PRKN: variants seen among roughly 807,000 people sequenced by gnomAD.
PRKN encodes the protein E3 ubiquitin-protein ligase parkin.
In PRKN, 56 loss-of-function variants were observed where a neutral mutation model predicts 59.5. That is an observed-to-expected ratio of 0.94 (90% CI 0.76 to 1.18). The LOEUF is 1.18. PRKN is among the 50% of genes most tolerant of loss of function. The pLI is 0.00. For synonymous variants in PRKN, 250 were observed against 222.1 expected, an observed-to-expected ratio of 1.13 and a Z score of -1.12; for missense variants, 657 against 596.4, an observed-to-expected ratio of 1.10 and a Z score of -1.06.
intron 7 of PRKN, among the ~76,000 whole-genome samples, chr6:161,749,622 T>A (rs1025507762): frequency 6.6e-6 from 1 of 152,048 alleles, no homozygotes; most frequent in African/African-American, 2.4e-5. Flanking sequence ...AAGAAAAATA[T>A]CCTTTCCTGT....
At position 161,480,170 on chromosome 6, in the gene PRKN, A is replaced by G. The variant is rs887230614; in HGVS notation, c.1083+68684T>C. Reference sequence around the variant, plus strand: ...ATTTTGGAGTATTTATTATCACTGCAGCGTTTCCTATCTGATCATGACTAT... The same window carrying G: ...ATTTTGGAGTATTTATTATCACTGCGGCGTTTCCTATCTGATCATGACTAT... On this transcript the variant is annotated intron_variant, in intron 9 of 11. Coordinates refer to ENST00000366898, the MANE Select transcript of PRKN (RefSeq NM_004562.3). The surrounding 1 kb of genome is among the most constrained non-coding windows in gnomAD (Gnocchi z 4.1). Among the ~76,000 whole-genome samples the G allele has an allele frequency of 6.6e-6, 1 of 152,346 alleles. No individual in the cohort carries two copies. Among genetic ancestry groups the G allele is most frequent in the Middle Eastern group, 3.4e-3 (1 of 294 alleles).
intron 6 of PRKN, among the ~76,000 whole-genome samples, chr6:161,910,413 C>G (rs571923827): frequency 6.6e-6 from 1 of 152,062 alleles, no homozygotes; most frequent in Non-Finnish European, 1.5e-5. Flanking sequence ...TGCTACCACA[C>G]CCGGCTAATT....
intron 4 of PRKN, among the ~76,000 whole-genome samples, chr6:162,132,767 A>G (rs1781415840): frequency 6.6e-6 from 1 of 152,098 alleles, no homozygotes; most frequent in Non-Finnish European, 1.5e-5. Context: ...ATCTACTCTG[A>G]TAAGTGCTGT....
At position 161,757,871 on chromosome 6, in the gene PRKN, C is replaced by CTCTCTG. The variant is rs1380898753; in HGVS notation, c.871+27900_871+27901insCAGAGA. ...TCTCTCTCTCTCTCTCTCTCTCTCTCTGTGTATATATATATACACACACAC... is the reference window on the plus strand; with the variant it reads ...TCTCTCTCTCTCTCTCTCTCTCTCTCTCTCTGTGTGTATATATATATACACACACAC... On this transcript the variant is annotated intron_variant, in intron 7 of 11. Transcript: ENST00000366898. 8.2e-5 allele frequency among the ~76,000 whole-genome samples: 8 copies of CTCTCTG among 97,984 alleles called. 1 individual carries two copies. The highest frequency in any genetic ancestry group is 3.6e-4 in the African/African-American group (8 of 22,322). The allele number at this position is 97,984 out of a possible 152,430, so 64.3% of individuals were successfully genotyped here. A position where few individuals can be genotyped will look rare whatever the true frequency, so the allele number is the denominator to read the frequency against.
intron 7 of PRKN, among the ~76,000 whole-genome samples, chr6:161,697,518 C>A (rs1046328716): frequency 2.0e-4 from 30 of 152,134 alleles, no homozygotes; most frequent in African/African-American, 6.5e-4. Flanking sequence ...TAAAGTCCAA[C>A]AAATTCAGTC....
intron 6 of PRKN, among the ~76,000 whole-genome samples, chr6:161,820,914 A>G (rs1423569286): frequency 6.6e-6 from 1 of 151,848 alleles, no homozygotes; most frequent in Non-Finnish European, 1.5e-5. Context: ...AATACCCCCA[A>G]TATGACACTA....
chr6:162,466,030 C>G (rs1791397738), intron 1 of PRKN, among the ~76,000 whole-genome samples: 1 of 152,068 alleles, frequency 6.6e-6, no homozygotes, highest in Non-Finnish European at 1.5e-5. Context: ...TCAGAACCAC[C>G]AATATTTTTC....
intron 7 of PRKN, among the ~76,000 whole-genome samples, chr6:161,752,396 C>CA (rs1045675716): frequency 6.6e-6 from 1 of 151,842 alleles, no homozygotes; most frequent in African/African-American, 2.4e-5. Flanking sequence ...ACAAAACAAA[C>CA]AAAAAACTCG....
chr6:161,733,820 A>G (rs961468264), intron 7 of PRKN, among the ~76,000 whole-genome samples: 2 of 136,118 alleles, frequency 1.5e-5, no homozygotes, highest in African/African-American at 5.3e-5. Context: ...ATATATATAT[A>G]TGTATTCCAA....
At chr6:162,148,593 GAAAC>G (rs34428585) in intron 4 of PRKN, among the ~76,000 whole-genome samples, 254 of 151,394 alleles carry the variant, frequency 1.7e-3, no homozygotes, top group Middle Eastern at 3.4e-3. Context: ...AAGCCAGATT[GAAAC>G]AAACAAACAA....
chr6:161,561,758 T>C lies in PRKN; in HGVS notation c.933+7597A>G, dbSNP rs1184787604. On this transcript the variant is annotated intron_variant, in intron 8 of 11. Coordinates refer to ENST00000366898, the MANE Select transcript of PRKN (RefSeq NM_004562.3). The surrounding 1 kb of genome is among the most constrained non-coding windows in gnomAD (Gnocchi z 5.0). ...ATCTCTGTGGAATCCTTCCTGTGAG[T>C]GTAAAACAAGTTCTGGCCCTTCGAT... Among the ~76,000 whole-genome samples, 1 of 152,130 alleles carries C rather than the reference T, an allele frequency of 6.6e-6. No homozygotes were observed. The highest frequency in any genetic ancestry group is 2.4e-5 in the African/African-American group (1 of 41,414).
intron 7 of PRKN, among the ~76,000 whole-genome samples, chr6:161,750,142 C>CACACACACACACACATATAT (rs765990689): frequency 7.3e-6 from 1 of 136,974 alleles, no homozygotes; most frequent in Admixed American, 7.2e-5. Flanking sequence ...CACACACACA[C>CACACACACACACACATATAT]ATATATAAAT....
intron 4 of PRKN, among the ~76,000 whole-genome samples, chr6:162,069,912 G>A (rs1582986843): frequency 6.6e-6 from 1 of 152,116 alleles, no homozygotes; most frequent in South Asian, 2.1e-4. Context: ...GGACGCAAGA[G>A]AGGCAAAAAT....
chr6:161,870,812 T>C (rs1794311096), intron 6 of PRKN, among the ~76,000 whole-genome samples: 1 of 152,162 alleles, frequency 6.6e-6, no homozygotes, highest in Non-Finnish European at 1.5e-5. Flanking sequence ...GCAATGGACA[T>C]TGGTGATAGG....
chr6:162,506,146 T>C (rs1793596105), intron 1 of PRKN, among the ~76,000 whole-genome samples: 1 of 151,538 alleles, frequency 6.6e-6, no homozygotes, highest in Admixed American at 6.6e-5. Flanking sequence ...AGAAAATGTA[T>C]GTCCTCATTC....
rs71004102 is a variant in PRKN at position 162,588,013 on chromosome 6, G to GTTTTTTTT, written c.7+139641_7+139648dup. Among the ~76,000 whole-genome samples, 254 of 136,662 alleles carry GTTTTTTTT rather than the reference G, an allele frequency of 1.9e-3. 3 individuals carry two copies. The highest frequency in any genetic ancestry group is 3.2e-3 in the African/African-American group (121 of 37,438). The allele number at this position is 136,662 out of a possible 152,430, so 89.7% of individuals were successfully genotyped here. ...ATACTTGAACTAAGTGAGTTTTTGA[G>GTTTTTTTT]TTTTTTTTTTTTTTTTAGATGGAGT... is the stretch of plus-strand genomic sequence containing the variant. On this transcript the variant is annotated intron_variant, in intron 1 of 11. Coordinates refer to ENST00000366898, the MANE Select transcript of PRKN (RefSeq NM_004562.3).
intron 9 of PRKN, among the ~76,000 whole-genome samples, chr6:161,522,612 G>A (rs983735757): frequency 1.1e-4 from 17 of 152,226 alleles, no homozygotes; most frequent in African/African-American, 3.6e-4. Context: ...CACTGCAACA[G>A]CTTCGAGAAG....
At chr6:162,078,165 T>C (rs1375373280) in intron 4 of PRKN, among the ~76,000 whole-genome samples, 1 of 151,800 alleles carries the variant, frequency 6.6e-6, no homozygotes, top group Non-Finnish European at 1.5e-5. Flanking sequence ...AAATGTATGG[T>C]ATCAGCCAAC....
chr6:162,164,550 C>G lies in PRKN; in HGVS notation c.534+36581G>C, dbSNP rs1030148856. ...TTTTGTGTGTAGAGTGTGACTGTTA[C>G]AAATGGGAATGCCCTAATCTATATG... On this transcript the variant is annotated intron_variant, in intron 4 of 11. Coordinates refer to ENST00000366898, the MANE Select transcript of PRKN (RefSeq NM_004562.3). 4.7e-5 allele frequency among the ~76,000 whole-genome samples: 7 copies of G among 148,720 alleles called. 1 individual carries two copies. The highest frequency in any genetic ancestry group is 1.0e-4 in the Non-Finnish European group (7 of 67,324).
Sources: allele counts gnomAD v4.1 joint callset (sites outside exome capture counted in the v4.1 genomes callset), GRCh38; gene constraint gnomAD v4.1.1; non-coding constraint Gnocchi (gnomAD v3.1); transcripts MANE v1.5; gene names NCBI Gene and HGNC (gene_info 2026-07-23, HGNC 2026-07-21).